Variants in MCF2L2 observed in about 807,000 individuals in gnomAD.
MCF2L2 encodes the protein probable guanine nucleotide exchange factor MCF2L2.
In MCF2L2, 102 loss-of-function variants were observed where a neutral mutation model predicts 150.2. That is an observed-to-expected ratio of 0.68 (90% CI 0.58 to 0.80). The LOEUF is 0.80. MCF2L2 is among the 30% of genes least tolerant of loss of function. The probability of loss-of-function intolerance (pLI) is 0.00; values close to 1 mark genes in which losing one functional copy is unlikely to be tolerated. For missense variants in MCF2L2, 1,256 were observed against 1,372.8 expected (o/e 0.91, Z 1.34); for synonymous variants, 465 against 491.3 (o/e 0.95, Z 0.71).
intron 15 of MCF2L2, among the ~76,000 whole-genome samples, chr3:183,234,707 T>TTTTTTTA (rs774291171): frequency 0.093 from 10,353 of 111,702 alleles, 545 homozygotes; most frequent in Non-Finnish European, 0.13. Context: ...TTTTTTTTTT[T>TTTTTTTA]TTATTATACT....
At chr3:183,213,054 A>G (rs1177375969) in intron 22 of MCF2L2, among the ~76,000 whole-genome samples, 1 of 152,038 alleles carries the variant, frequency 6.6e-6, no homozygotes, top group Non-Finnish European at 1.5e-5. Context: ...TGTGGTAAGG[A>G]AAGAGGAAAC....
chr3:183,212,189 G>A (rs1028582186), intron 22 of MCF2L2, among the ~76,000 whole-genome samples: 6 of 152,178 alleles, frequency 3.9e-5, no homozygotes, highest in Non-Finnish European at 7.3e-5. Context: ...CCCTCAGAGG[G>A]AACGTGGGCC....
chr3:183,276,906 G>T lies in MCF2L2; in HGVS notation c.1828C>A (p.Gln610Lys), dbSNP rs775500476. The stretch of plus-strand genomic sequence containing the variant: ...GAAAGGTCTCCGAGCCTGGCCTGCT[G>T]CTCCAGCTCAGGGTTCCCCCTTTCA... ...HHERGNPELE[Q>K]QARLGDLSPR... The change falls in exon 15 of 30, where the codon CAG becomes AAG. Residue 610 changes from glutamine (Q) to lysine (K), a missense_variant. Transcript: ENST00000328913. 4 of 1,611,284 alleles carry T rather than the reference G, an allele frequency of 2.5e-6. No individual in the cohort carries two copies. In the South Asian group the frequency reaches 4.4e-5, roughly 18 times the overall value.
chr3:183,214,310 T>G (rs77131825), intron 22 of MCF2L2, among the ~76,000 whole-genome samples: 2,529 of 152,310 alleles, frequency 0.017, 67 homozygotes, highest in African/African-American at 0.058. Flanking sequence ...AAAATGATCC[T>G]TATACACACC....
chr3:183,269,226 G>A lies in MCF2L2; in HGVS notation c.1862+7646C>T, dbSNP rs556459115. On this transcript the variant is annotated intron_variant, in intron 15 of 29. Coordinates refer to ENST00000328913, the MANE Select transcript of MCF2L2 (RefSeq NM_015078.4). ...AGTATACACGATTATAGCCGTTTGG[G>A]AAGCTTTTTTTTTTTTTTTTTTAAG... 4.9e-3 allele frequency among the ~76,000 whole-genome samples: 422 copies of A among 85,332 alleles called. 2 individuals are homozygous for A. The highest frequency in any genetic ancestry group is 0.032 in the African/African-American group (394 of 12,398). The allele number at this position is 85,332 out of a possible 152,430, so 56.0% of individuals were successfully genotyped here.
chr3:183,384,794 C>T (rs2108593334), intron 2 of MCF2L2, among the ~76,000 whole-genome samples: 1 of 152,278 alleles, frequency 6.6e-6, no homozygotes, highest in East Asian at 1.9e-4. Context: ...GCAAGGTGAA[C>T]CCCTAGGGTG....
At chr3:183,240,795 A>AC (rs1287078711) in intron 15 of MCF2L2, among the ~76,000 whole-genome samples, 1 of 152,118 alleles carries the variant, frequency 6.6e-6, no homozygotes, top group Non-Finnish European at 1.5e-5. Flanking sequence ...CTCCTTTTAG[A>AC]CCCCACTTCT....
chr3:183,332,122 A>T (rs1730295958), intron 5 of MCF2L2, among the ~76,000 whole-genome samples: 1 of 152,198 alleles, frequency 6.6e-6, no homozygotes, highest in Non-Finnish European at 1.5e-5. Context: ...CACGTTTTAA[A>T]AATAAAGAAG....
chr3:183,280,740 C>T (rs1470742999), intron 14 of MCF2L2, among the ~76,000 whole-genome samples: 5 of 151,066 alleles, frequency 3.3e-5, no homozygotes, highest in African/African-American at 9.7e-5. Context: ...CCCAGCTACT[C>T]GGGAGGCTGA....
chr3:183,330,011 G>A (rs1211085931), intron 5 of MCF2L2, among the ~76,000 whole-genome samples: 1 of 152,038 alleles, frequency 6.6e-6, no homozygotes, highest in Non-Finnish European at 1.5e-5. Context: ...GACACAGGAG[G>A]ATCGTTTGAG....
chr3:183,357,173 C>T (rs1402295464), intron 3 of MCF2L2, among the ~76,000 whole-genome samples: 1 of 152,002 alleles, frequency 6.6e-6, no homozygotes, highest in Non-Finnish European at 1.5e-5. Context: ...CCTCTCAGAA[C>T]CATGCAGATA....
rs1308724246 is a variant in MCF2L2 at position 183,216,097 on chromosome 3, G to A, written c.2371-3C>T. 2.5e-6 allele frequency: 4 copies of A among 1,612,312 alleles called. No homozygotes were observed. The highest frequency in any genetic ancestry group is 2.2e-5 in the South Asian group (2 of 90,864). On this transcript the variant is annotated splice_polypyrimidine_tract_variant and splice_region_variant and intron_variant, in intron 21 of 29. Coordinates refer to ENST00000328913, the MANE Select transcript of MCF2L2 (RefSeq NM_015078.4). ...TCTTTGGTTCTCTTTGGCCCATCCTGTGGAAAACAAATGCCTTGTTGGAAA... is the reference window on the plus strand; with the variant it reads ...TCTTTGGTTCTCTTTGGCCCATCCTATGGAAAACAAATGCCTTGTTGGAAA...
At chr3:183,372,641 G>A (rs57331350) in intron 3 of MCF2L2, 48,135 of 151,890 alleles carry the variant, frequency 0.32, 11,704 homozygotes, top group African/African-American at 0.68. Context: ...GCAGTGAGCC[G>A]AGATTGCGCC....
At chr3:183,254,744 C>A (rs1724880259) in intron 15 of MCF2L2, 2 of 152,300 alleles carry the variant, frequency 1.3e-5, no homozygotes, top group Admixed American at 6.5e-5. Flanking sequence ...GAAGAAACCG[C>A]CAACCTGAGA....
intron 5 of MCF2L2, among the ~76,000 whole-genome samples, chr3:183,325,516 C>A (rs951199742): frequency 6.6e-6 from 1 of 151,978 alleles, no homozygotes; most frequent in African/African-American, 2.4e-5. Flanking sequence ...AATTTTAAAC[C>A]ACTTATGGGA....
chr3:183,344,674 G>A (rs895289494), intron 3 of MCF2L2, among the ~76,000 whole-genome samples: 3 of 152,088 alleles, frequency 2.0e-5, no homozygotes, highest in African/African-American at 4.8e-5. Flanking sequence ...GCTGTATTCA[G>A]GAGACCCATC....
intron 27 of MCF2L2, chr3:183,192,611 G>A (rs60311111): frequency 0.015 from 2,390 of 164,320 alleles, 66 homozygotes; most frequent in African/African-American, 0.053. Flanking sequence ...AAGACACAGC[G>A]GAAGGCGCCA....
chr3:183,191,847 A>AT (rs1371032969), intron 27 of MCF2L2, among the ~76,000 whole-genome samples: 2 of 151,280 alleles, frequency 1.3e-5, no homozygotes, highest in Admixed American at 6.6e-5. Context: ...TATTTATTTT[A>AT]TTTATTTTTT....
At chr3:183,200,466 T>C (rs1246593750) in intron 25 of MCF2L2, among the ~76,000 whole-genome samples, 1 of 152,214 alleles carries the variant, frequency 6.6e-6, no homozygotes, top group Non-Finnish European at 1.5e-5. Flanking sequence ...CACTTTTTGA[T>C]GGGGTTGATT....
Sources: gnomAD v4.1 joint callset for allele counts (sites outside exome capture counted in the v4.1 genomes callset) on GRCh38, gnomAD v4.1.1 for gene constraint, MANE v1.5 for transcripts, NCBI Gene and HGNC (gene_info 2026-07-23, HGNC 2026-07-21) for gene names.